The following PODXL2 variants were observed in gnomAD, a reference collection of about 807,000 sequenced individuals.
PODXL2 encodes podocalyxin like 2, also known as podocalyxin-like protein 2.
PODXL2 carries 17 observed loss-of-function variants against 53.4 expected under a neutral mutation model. The observed-to-expected ratio is 0.32, with a 90% CI of 0.22 to 0.48. The LOEUF (loss-of-function observed/expected upper bound fraction) is 0.48, where lower values mean the gene tolerates loss of function less well. Ranked by LOEUF, PODXL2 falls within the 20% of genes least tolerant of loss-of-function variation. The pLI is 0.99. For missense variants in PODXL2, 673 were observed against 760.0 expected (o/e 0.89, Z 1.35); for synonymous variants, 311 against 306.7 (o/e 1.01, Z -0.15).
chr3:127,672,537 A>C lies in PODXL2; in HGVS notation c.*57A>C. The C allele has an allele frequency of 1.7e-6, 2 of 1,167,720 alleles. No homozygotes were observed. The highest frequency in any genetic ancestry group is 2.3e-6 in the Non-Finnish European group (2 of 866,330). 72.3% of individuals were successfully genotyped at this position (1,167,720 alleles called of 1,614,324 possible). ...CAGGACCAAGCGAGGTGGACCCCGA[A>C]ACGGACGGCCCGGAGCCCGCACCAG... On this transcript the variant is annotated 3_prime_UTR_variant, in exon 8 of 8. Transcript: ENST00000342480.
chr3:127,659,931 G>T (rs549580440), intron 2 of PODXL2, among the ~76,000 whole-genome samples: 1 of 152,346 alleles, frequency 6.6e-6, no homozygotes, highest in South Asian at 2.1e-4. Context: ...AGGGCTCTCA[G>T]ACCTCCTTCG....
chr3:127,629,287 G>C lies in PODXL2; in HGVS notation c.68G>C (p.Gly23Ala), dbSNP rs1416709405. Reference sequence around the variant, plus strand: ...TCGCCGCTGCTGCTTCTGCTGGTTGGGGGTGAGTGCGCTCCGGGCCCGAGC... The same window carrying C: ...TCGCCGCTGCTGCTTCTGCTGGTTGCGGGTGAGTGCGCTCCGGGCCCGAGC... ...LLSPLLLLLV[G>A]GAFLGACVAG... The change falls in exon 1 of 8, where the codon GGG becomes GCG. Residue 23 changes from glycine to alanine, a missense_variant and splice_region_variant. Transcript: ENST00000342480. The surrounding 1 kb of genome is among the most constrained non-coding windows in gnomAD (Gnocchi z 6.4). 3.9e-6 allele frequency: 4 copies of C among 1,019,916 alleles called. No individual in the cohort carries two copies. The highest frequency in any genetic ancestry group is 5.9e-5 in the Admixed American group (1 of 16,930). The allele number at this position is 1,019,916 out of a possible 1,614,324, so 63.2% of individuals were successfully genotyped here. A position where few individuals can be genotyped will look rare whatever the true frequency, so the allele number is the denominator to read the frequency against.
chr3:127,634,539 A>G (rs1396257150), intron 1 of PODXL2, among the ~76,000 whole-genome samples: 1 of 151,480 alleles, frequency 6.6e-6, no homozygotes, highest in African/African-American at 2.4e-5. Context: ...CCTGGCCAAC[A>G]TGGTTAAACT....
At chr3:127,665,383 C>T (rs1172864068) in intron 4 of PODXL2, among the ~76,000 whole-genome samples, 2 of 152,160 alleles carry the variant, frequency 1.3e-5, no homozygotes, top group African/African-American at 2.4e-5. Context: ...AAGTTTTACA[C>T]GATGGAACTA....
intron 2 of PODXL2, among the ~76,000 whole-genome samples, chr3:127,655,628 A>G (rs1559876525): frequency 6.6e-6 from 1 of 152,234 alleles, no homozygotes; most frequent in Non-Finnish European, 1.5e-5. Flanking sequence ...TACAGCTGAT[A>G]AGCAGTGAAA....
chr3:127,668,020 C>T (rs2107545514), intron 4 of PODXL2, among the ~76,000 whole-genome samples: 1 of 152,284 alleles, frequency 6.6e-6, no homozygotes, highest in South Asian at 2.1e-4. Context: ...TGCACTTGAG[C>T]ACTAGGCACA....
At chr3:127,652,239 C>G (rs1301913792) in intron 2 of PODXL2, among the ~76,000 whole-genome samples, 1 of 152,210 alleles carries the variant, frequency 6.6e-6, no homozygotes, top group Admixed American at 6.5e-5. Context: ...GAGATGGGCC[C>G]TTTGCTCTTG....
At chr3:127,664,820 C>G (rs2074786693) in intron 4 of PODXL2, among the ~76,000 whole-genome samples, 1 of 152,038 alleles carries the variant, frequency 6.6e-6, no homozygotes, top group Non-Finnish European at 1.5e-5. Flanking sequence ...TTTGCATTTT[C>G]CCTGATGATT....
At chr3:127,630,695 A>T (rs1454450716) in intron 1 of PODXL2, among the ~76,000 whole-genome samples, 1 of 152,190 alleles carries the variant, frequency 6.6e-6, no homozygotes, top group African/African-American at 2.4e-5. Context: ...CAGGGAGGGT[A>T]CATTTTCTCC....
chr3:127,655,702 G>A (rs1357201403), intron 2 of PODXL2, among the ~76,000 whole-genome samples: 1 of 152,266 alleles, frequency 6.6e-6, no homozygotes, highest in East Asian at 1.9e-4. Flanking sequence ...AAGGAAGTAG[G>A]AAAGGACTGC....
intron 6 of PODXL2, among the ~76,000 whole-genome samples, chr3:127,670,992 T>C (rs561271246): frequency 1.4e-4 from 22 of 152,208 alleles, no homozygotes; most frequent in Non-Finnish European, 2.9e-4. Flanking sequence ...GGAAGCTGAC[T>C]GGTCCACCCC....
chr3:127,639,268 G>T lies in PODXL2; in HGVS notation c.94G>T (p.Ala32Ser). 1 of 1,609,270 alleles carries T rather than the reference G, an allele frequency of 6.2e-7. No homozygotes were observed. Among genetic ancestry groups the T allele is most frequent in the Non-Finnish European group, 8.5e-7 (1 of 1,178,692 alleles). Residue 32 changes from alanine to serine, a missense_variant, in exon 2 of 8, where the codon GCT (alanine) becomes TCT (serine). By Grantham distance (99) the Ala-to-Ser change is moderately conservative. Around this residue, in one of 3 missense-constraint regions of PODXL2, gnomAD observed 588 missense variants for 668.3 expected, o/e 0.88. Transcript: ENST00000342480. ...AGGAGCGTTCCTGGGTGCCTGTGTGGCTGGGTCTGATGAGCCTGGCCCAGA... is the reference window on the plus strand; with the variant it reads ...AGGAGCGTTCCTGGGTGCCTGTGTGTCTGGGTCTGATGAGCCTGGCCCAGA... ...VGGAFLGACV[A>S]GSDEPGPEGL...
rs1407465951 is a variant in PODXL2 at position 127,629,665 on chromosome 3, G to A, written c.70+376G>A. Among the ~76,000 whole-genome samples, 7 of 152,100 alleles carry A rather than the reference G, an allele frequency of 4.6e-5. No individual in the cohort carries two copies. The highest frequency in any genetic ancestry group is 6.5e-5 in the Admixed American group (1 of 15,278). On this transcript the variant is annotated intron_variant, in intron 1 of 7. Coordinates refer to ENST00000342480, the MANE Select transcript of PODXL2 (RefSeq NM_015720.4). The surrounding 1 kb of genome is among the most constrained non-coding windows in gnomAD (Gnocchi z 6.4). ...GTGTGTGCGAGTGCATTGTGTGCCT[G>A]CGCACTCGGGGGAAGAGGCGTGTGT... is the stretch of plus-strand genomic sequence containing the variant.
intron 3 of PODXL2, among the ~76,000 whole-genome samples, chr3:127,661,684 G>A (rs1314412647): frequency 1.3e-5 from 2 of 152,044 alleles, no homozygotes; most frequent in Non-Finnish European, 2.9e-5. Flanking sequence ...TGATCCACCC[G>A]CTATGGCCTC....
intron 1 of PODXL2, among the ~76,000 whole-genome samples, chr3:127,635,346 C>A (rs1250138890): frequency 6.6e-6 from 1 of 152,166 alleles, no homozygotes; most frequent in African/African-American, 2.4e-5. Context: ...AGAAACTGAC[C>A]CTTTTGGGGC....
At chr3:127,636,370 G>A (rs1217652233) in intron 1 of PODXL2, among the ~76,000 whole-genome samples, 3 of 152,182 alleles carry the variant, frequency 2.0e-5, no homozygotes, top group Non-Finnish European at 4.4e-5. Context: ...GTGATGTGAA[G>A]GGGAATTAGA....
intron 2 of PODXL2, among the ~76,000 whole-genome samples, chr3:127,650,177 C>T (rs1320970647): frequency 1.3e-5 from 2 of 152,130 alleles, no homozygotes; most frequent in Non-Finnish European, 2.9e-5. Flanking sequence ...ATAGAAGAAT[C>T]AGTTCATTGA....
At position 127,672,553 on chromosome 3, in the gene PODXL2, C is replaced by A; in HGVS notation, c.*73C>A. 2 of 992,526 alleles carry A rather than the reference C, an allele frequency of 2.0e-6. No homozygotes were observed. Among genetic ancestry groups the A allele is most frequent in the Non-Finnish European group, 2.8e-6 (2 of 719,686 alleles). The allele number at this position is 992,526 out of a possible 1,614,324, so 61.5% of individuals were successfully genotyped here. A position where few individuals can be genotyped will look rare whatever the true frequency, so the allele number is the denominator to read the frequency against. ...GGACCCCGAAACGGACGGCCCGGAGCCCGCACCAGCCCCGCGCCTACCCGG... is the reference window on the plus strand; with the variant it reads ...GGACCCCGAAACGGACGGCCCGGAGACCGCACCAGCCCCGCGCCTACCCGG... On this transcript the variant is annotated 3_prime_UTR_variant, in exon 8 of 8. Transcript: ENST00000342480.
intron 7 of PODXL2, among the ~76,000 whole-genome samples, 197 bp downstream of exon 7, chr3:127,671,810 A>AG (rs2074844086): frequency 6.6e-6 from 1 of 152,156 alleles, no homozygotes. Context: ...GCAGGGAGTG[A>AG]GGGGGCTGCT....
Sources: allele counts gnomAD v4.1 joint callset (sites outside exome capture counted in the v4.1 genomes callset), GRCh38; gene constraint gnomAD v4.1.1; regional missense constraint gnomAD v4.1.1; non-coding constraint Gnocchi (gnomAD v3.1); transcripts MANE v1.5; gene names NCBI Gene and HGNC (gene_info 2026-07-23, HGNC 2026-07-21).